Variants in RBMS3 observed in about 807,000 individuals in gnomAD.
RBMS3 encodes the protein RNA-binding motif, single-stranded-interacting protein 3.
A neutral mutation model predicts 66.8 loss-of-function variants in RBMS3; 27 were observed. The observed-to-expected ratio is 0.40, with a 90% confidence interval of 0.30 to 0.56. The LOEUF is 0.56. Among genes scored for constraint, RBMS3 ranks in the 20% least tolerant of loss-of-function variants. RBMS3 has a pLI of 0.40. For synonymous variants in RBMS3, 188 were observed against 183.0 expected, an observed-to-expected ratio of 1.03 and a Z score of -0.22; for missense variants, 513 against 549.5, an observed-to-expected ratio of 0.93 and a Z score of 0.66.
chr3:29,877,134 A>G (rs1048000371), intron 7 of RBMS3, among the ~76,000 whole-genome samples: 2 of 152,240 alleles, frequency 1.3e-5, no homozygotes, highest in African/African-American at 4.8e-5. Flanking sequence ...ACTTGATGAT[A>G]TGTGTCTGGA....
chr3:29,282,155 A>C (rs1409818101), intron 1 of RBMS3, among the ~76,000 whole-genome samples: 1 of 152,132 alleles, frequency 6.6e-6, no homozygotes, highest in Non-Finnish European at 1.5e-5. Flanking sequence ...GTGGCTCTAA[A>C]AGGGTTTTTC....
intron 4 of RBMS3, 134 bp from the exon 5 acceptor site, chr3:29,739,586 G>C (rs1302529094): frequency 3.1e-6 from 2 of 655,618 alleles, no homozygotes; most frequent in Non-Finnish European, 4.8e-6. Context: ...AAGAAGTAAT[G>C]CCCCTAGTGA....
intron 4 of RBMS3, among the ~76,000 whole-genome samples, chr3:29,708,995 C>G (rs1031780781): frequency 6.6e-6 from 1 of 152,116 alleles, no homozygotes. Flanking sequence ...TATGCCTGGC[C>G]GTCTCAGCCC....
At chr3:29,996,687 G>T (rs1317230183) in intron 14 of RBMS3, among the ~76,000 whole-genome samples, 7 of 152,042 alleles carry the variant, frequency 4.6e-5, no homozygotes, top group Non-Finnish European at 1.0e-4. Context: ...ATAACGAAAT[G>T]AAGGCAGAAA....
intron 1 of RBMS3, among the ~76,000 whole-genome samples, chr3:29,373,832 T>C (rs896588587): frequency 1.3e-5 from 2 of 152,188 alleles, no homozygotes; most frequent in Non-Finnish European, 2.9e-5. Context: ...TCAGAAGTAA[T>C]CAAAGCTTTT....
At chr3:29,903,564 C>A (rs544328982) in intron 10 of RBMS3, among the ~76,000 whole-genome samples, 1 of 152,046 alleles carries the variant, frequency 6.6e-6, no homozygotes, top group Non-Finnish European at 1.5e-5. Context: ...GTTGAAATTG[C>A]TGTGTTCCAA....
At chr3:29,888,956 C>T (rs2059936484) in intron 8 of RBMS3, among the ~76,000 whole-genome samples, 1 of 151,574 alleles carries the variant, frequency 6.6e-6, no homozygotes, top group Admixed American at 6.6e-5. Flanking sequence ...TAATATACCT[C>T]CCCCCACGAA....
intron 4 of RBMS3, among the ~76,000 whole-genome samples, chr3:29,714,471 C>G (rs1054031780): frequency 6.6e-6 from 1 of 151,872 alleles, no homozygotes; most frequent in Non-Finnish European, 1.5e-5. Context: ...TAGACAGCCA[C>G]GTATGTGAGT....
At chr3:29,479,348 A>G (rs1169447212) in intron 2 of RBMS3, among the ~76,000 whole-genome samples, 2 of 150,852 alleles carry the variant, frequency 1.3e-5, no homozygotes, top group African/African-American at 2.4e-5. Context: ...ATGTAATCCA[A>G]TCATTAGTGG....
intron 3 of RBMS3, among the ~76,000 whole-genome samples, chr3:29,578,876 A>ACTGCAAG (rs1213035283): frequency 7.5e-6 from 1 of 133,368 alleles, no homozygotes; most frequent in Admixed American, 8.7e-5. Context: ...ATCTCGGCTC[A>ACTGCAAG]CTGCAAGCTC....
chr3:29,575,259 C>A (rs1044371580), intron 3 of RBMS3, among the ~76,000 whole-genome samples: 3 of 151,442 alleles, frequency 2.0e-5, no homozygotes, highest in African/African-American at 7.3e-5. Flanking sequence ...ATATCTTTGT[C>A]GGATATACTA....
intron 4 of RBMS3, among the ~76,000 whole-genome samples, chr3:29,603,775 C>G (rs1247790257): frequency 6.6e-6 from 1 of 151,836 alleles, no homozygotes; most frequent in Admixed American, 6.6e-5. Context: ...TAATTATTAC[C>G]CATGGTAAAG....
intron 1 of RBMS3, among the ~76,000 whole-genome samples, chr3:29,300,470 A>AGCC (rs1033189834): frequency 3.0e-4 from 46 of 152,132 alleles, no homozygotes; most frequent in African/African-American, 1.1e-3. Context: ...ACTACTATGC[A>AGCC]GCCATGAAAT....
intron 3 of RBMS3, among the ~76,000 whole-genome samples, chr3:29,547,053 A>G (rs572733203): frequency 6.6e-6 from 1 of 152,222 alleles, no homozygotes; most frequent in South Asian, 2.1e-4. Flanking sequence ...ATAGCTCACT[A>G]TAACCCAGAA....
chr3:29,778,571 A>G (rs9817585), intron 6 of RBMS3, among the ~76,000 whole-genome samples: 110,774 of 151,186 alleles, frequency 0.73, 40,738 homozygotes, highest in East Asian at 0.88. Flanking sequence ...AGGAGGCTGC[A>G]TTTTATATTA....
chr3:29,844,432 G>A (rs550720074), intron 6 of RBMS3, among the ~76,000 whole-genome samples: 1 of 152,284 alleles, frequency 6.6e-6, no homozygotes, highest in Non-Finnish European at 1.5e-5. Context: ...AGAGAACACA[G>A]AGTATGGAAA....
intron 4 of RBMS3, among the ~76,000 whole-genome samples, chr3:29,607,966 C>A (rs1388725548): frequency 3.3e-5 from 5 of 151,970 alleles, no homozygotes; most frequent in African/African-American, 1.2e-4. Flanking sequence ...ATGAAACATA[C>A]ACAAAAGCAG....
At chr3:29,566,934 G>A (rs2046764916) in intron 3 of RBMS3, among the ~76,000 whole-genome samples, 1 of 152,046 alleles carries the variant, frequency 6.6e-6, no homozygotes, top group Admixed American at 6.6e-5. Context: ...AAAAGTTATA[G>A]AATAAGAAAA....
chr3:29,944,125 C>T (rs1695140324), intron 11 of RBMS3, 82 bp from the exon 12 acceptor site: 1 of 1,284,358 alleles, frequency 7.8e-7, no homozygotes. Flanking sequence ...ACACAGCGGA[C>T]TCTTCCACGT....
Sources: allele counts gnomAD v4.1 joint callset (sites outside exome capture counted in the v4.1 genomes callset), GRCh38; gene constraint gnomAD v4.1.1; transcripts MANE v1.5; gene names NCBI Gene and HGNC (gene_info 2026-07-23, HGNC 2026-07-21).